Variants in EXOSC7 observed in about 807,000 individuals in gnomAD.
EXOSC7 encodes the protein exosome complex component RRP42.
In EXOSC7, 25 loss-of-function variants were observed where a neutral mutation model predicts 34.3. The observed-to-expected ratio is 0.73, with a 90% CI of 0.53 to 1.02. The LOEUF (loss-of-function observed/expected upper bound fraction) is 1.02. EXOSC7 is among the 50% of genes least tolerant of loss of function. EXOSC7 has a pLI of 0.00. For synonymous variants in EXOSC7, 130 were observed against 143.0 expected, an observed-to-expected ratio of 0.91 and a Z score of 0.65; for missense variants, 370 against 368.5, an observed-to-expected ratio of 1.00 and a Z score of -0.03.
chr3:44,983,992 G>T (rs1297225558), intron 1 of EXOSC7, among the ~76,000 whole-genome samples: 1 of 152,110 alleles, frequency 6.6e-6, no homozygotes, highest in Non-Finnish European at 1.5e-5. Context: ...AAAATTTGTA[G>T]CTTTTCATTT....
At chr3:44,988,265 C>T (rs1338900346) in intron 1 of EXOSC7, among the ~76,000 whole-genome samples, 2 of 152,190 alleles carry the variant, frequency 1.3e-5, no homozygotes, top group African/African-American at 2.4e-5. Context: ...AAGAAGCCCC[C>T]AGTGGCCAAA....
intron 3 of EXOSC7, among the ~76,000 whole-genome samples, chr3:44,993,742 C>A (rs1576012617): frequency 1.3e-5 from 2 of 152,086 alleles, no homozygotes; most frequent in South Asian, 4.1e-4. Context: ...CCCAAAAGAC[C>A]AAGTGTGTAC....
chr3:44,995,203 G>A, intron 3 of EXOSC7, among the ~76,000 whole-genome samples: 1 of 152,108 alleles, frequency 6.6e-6, no homozygotes, highest in African/African-American at 2.4e-5. Context: ...GGCTGGTCTC[G>A]AACCCCCGAC....
intron 7 of EXOSC7, 45 bp from the exon 8 acceptor site, chr3:45,011,190 T>C: frequency 8.7e-7 from 1 of 1,151,068 alleles, no homozygotes; most frequent in East Asian, 2.5e-5. Flanking sequence ...AGAGTGTGTG[T>C]GCCTTACAAG....
chr3:44,986,990 C>A (rs1264645803), intron 1 of EXOSC7, among the ~76,000 whole-genome samples: 2 of 150,616 alleles, frequency 1.3e-5, no homozygotes, highest in Non-Finnish European at 2.9e-5. Context: ...GCTAATGATT[C>A]TTTTTCTGAA....
At chr3:44,982,249 T>C (rs1706291597) in intron 1 of EXOSC7, among the ~76,000 whole-genome samples, 1 of 152,178 alleles carries the variant, frequency 6.6e-6, no homozygotes, top group Admixed American at 6.5e-5. Context: ...TTTGGTCTGG[T>C]AGTATTTCAC....
At chr3:45,012,500 T>G (rs1017048601), downstream of EXOSC7, 4 of 152,180 alleles carry the variant, frequency 2.6e-5, no homozygotes, top group African/African-American at 9.7e-5. Context: ...TTATGTTTCT[T>G]CAGTGACTAT....
Position 44,989,187 on chromosome 3 carries a change from C to G in EXOSC7, c.105C>G (p.Val35=). Residue 35 remains valine, a synonymous_variant, in exon 2 of 8, where the codon GTC becomes GTG. Transcript: ENST00000265564. ...GTGGCTGTGAGGACTACCGATGTGT[C>G]GAAGTGGAAACTGATGTGGTGTCCA... The part of the protein sequence containing the change: ...DGRGCEDYRC[V]EVETDVVSNT... The G allele has an allele frequency of 6.2e-7, 1 of 1,614,048 alleles. No individual in the cohort carries two copies. The highest frequency in any genetic ancestry group is 8.5e-7 in the Non-Finnish European group (1 of 1,179,996).
chr3:44,976,958 A>T (rs999686666), intron 1 of EXOSC7: 12 of 152,282 alleles, frequency 7.9e-5, no homozygotes, highest in African/African-American at 2.4e-4. Context: ...GCACGCCTGT[A>T]GTCCCAGCTA....
chr3:44,976,245 G>C lies in EXOSC7; in HGVS notation c.-33G>C, dbSNP rs2125955342. 1 of 1,526,904 alleles carries C rather than the reference G, an allele frequency of 6.5e-7. No individual in the cohort carries two copies. Among genetic ancestry groups the C allele is most frequent in the Middle Eastern group, 2.0e-4 (1 of 5,098 alleles). The allele number at this position is 1,526,904 out of a possible 1,614,324, so 94.6% of individuals were successfully genotyped here. The stretch of plus-strand genomic sequence containing the variant: ...CGGTCCAGAGGAGGGGACGCGCGCA[G>C]ATGACGTGCGGCTCGTGGGGCAGCT... On this transcript the variant is annotated 5_prime_UTR_variant, in exon 1 of 8. Coordinates refer to ENST00000265564, the MANE Select transcript of EXOSC7 (RefSeq NM_015004.4).
chr3:44,976,293 C>A lies in EXOSC7; in HGVS notation c.16C>A (p.Leu6Met). 6 of 1,562,058 alleles carry A rather than the reference C, an allele frequency of 3.8e-6. No homozygotes were observed. The South Asian group carries it at 7.0e-5, about 18-fold the overall frequency. ...GCTCGGCAGCATGGCGTCCGTGACGCTGAGCGAGGCGGAGAAGGTGTACAT... is the reference window on the plus strand; with the variant it reads ...GCTCGGCAGCATGGCGTCCGTGACGATGAGCGAGGCGGAGAAGGTGTACAT... MASVT[L>M]SEAEKVYIVH... is the part of the protein sequence containing the mutation. Residue 6 changes from leucine to methionine, a missense_variant, in exon 1 of 8, where the codon CTG becomes ATG. This residue lies in a region of EXOSC7 where 95 missense variants were observed against 79.8 expected (regional missense o/e 1.19). Coordinates refer to ENST00000265564, the MANE Select transcript of EXOSC7 (RefSeq NM_015004.4).
intron 1 of EXOSC7, among the ~76,000 whole-genome samples, chr3:44,979,949 G>A (rs1429590783): frequency 6.6e-6 from 1 of 152,000 alleles, no homozygotes; most frequent in Non-Finnish European, 1.5e-5. Flanking sequence ...CAGTATGGGG[G>A]GGGTTTCAGG....
intron 3 of EXOSC7, among the ~76,000 whole-genome samples, chr3:44,995,861 C>T (rs1706707245): frequency 6.6e-6 from 1 of 152,332 alleles, no homozygotes; most frequent in East Asian, 1.9e-4. Context: ...TAGTGTTACA[C>T]AAATAGGGTG....
intron 3 of EXOSC7, among the ~76,000 whole-genome samples, chr3:44,990,406 G>A (rs1041086321): frequency 2.6e-5 from 4 of 152,036 alleles, no homozygotes; most frequent in South Asian, 2.1e-4. Flanking sequence ...TCTAGGGGTC[G>A]GGGCTTTTTA....
intron 6 of EXOSC7, 125 bp from the exon 7 acceptor site, chr3:45,007,295 A>G: frequency 2.1e-6 from 2 of 967,628 alleles, no homozygotes; most frequent in Non-Finnish European, 1.5e-6. Flanking sequence ...AGAATCTAAA[A>G]TAAGACCTGG....
chr3:45,004,143 T>C (rs1706962144), intron 5 of EXOSC7: 1 of 152,200 alleles, frequency 6.6e-6, no homozygotes, highest in Admixed American at 6.5e-5. Flanking sequence ...GGTTATAGGG[T>C]ATGGCTATCT....
intron 3 of EXOSC7, among the ~76,000 whole-genome samples, chr3:44,993,581 G>C (rs1706629177): frequency 6.6e-6 from 1 of 152,026 alleles, no homozygotes; most frequent in African/African-American, 2.4e-5. Context: ...GTCAGAAGGG[G>C]TGGAGAGCTG....
chr3:45,008,275 A>G (rs981953327), intron 7 of EXOSC7, among the ~76,000 whole-genome samples: 5 of 152,342 alleles, frequency 3.3e-5, no homozygotes, highest in African/African-American at 1.2e-4. Context: ...CTGAACTTCC[A>G]GGAACAGAGT....
chr3:45,010,900 A>T (rs1315772725), intron 7 of EXOSC7, among the ~76,000 whole-genome samples: 1 of 152,170 alleles, frequency 6.6e-6, no homozygotes, highest in African/African-American at 2.4e-5. Flanking sequence ...CCCAGATTTG[A>T]TTGACAACTT....
Sources: allele counts gnomAD v4.1 joint callset (sites outside exome capture counted in the v4.1 genomes callset), GRCh38; gene constraint gnomAD v4.1.1; regional missense constraint gnomAD v4.1.1; transcripts MANE v1.5; gene names NCBI Gene and HGNC (gene_info 2026-07-23, HGNC 2026-07-21).